Variants in NRDE2 observed in about 807,000 individuals in gnomAD.
The protein encoded by NRDE2 is nuclear exosome regulator NRDE2.
NRDE2 carries 76 observed loss-of-function variants against 124.2 expected under a neutral mutation model. The observed-to-expected ratio is 0.61, with a 90% confidence interval of 0.51 to 0.74. The LOEUF (loss-of-function observed/expected upper bound fraction) is 0.74. Among genes scored for constraint, NRDE2 ranks in the 30% least tolerant of loss-of-function variants. The pLI is 0.00. For synonymous variants in NRDE2, 489 were observed against 528.1 expected (o/e 0.93, Z 1.01); for missense variants, 1,314 against 1,417.3 (o/e 0.93, Z 1.17).
intron 1 of NRDE2, among the ~76,000 whole-genome samples, chr14:90,318,389 A>G (rs1885124826): frequency 6.6e-6 from 1 of 152,258 alleles, no homozygotes; most frequent in African/African-American, 2.4e-5. Context: ...AGTACGGGCT[A>G]AAAGGCAACA....
At chr14:90,280,980 A>C in intron 12 of NRDE2, 1 of 152,322 alleles carries the variant, frequency 6.6e-6, no homozygotes, top group East Asian at 1.9e-4. Flanking sequence ...ATGGAGGAGC[A>C]GAACTGCCGT....
Position 90,273,272 on chromosome 14 carries a change from C to T in NRDE2, c.*5064G>A, listed in dbSNP as rs572262294. The T allele has an allele frequency of 2.0e-5, 3 of 152,182 alleles. No homozygotes were observed. Among genetic ancestry groups the T allele is most frequent in the South Asian group, 4.2e-4 (2 of 4,816 alleles). The allele number at this position is 152,182 out of a possible 1,614,324, so 9.4% of individuals were successfully genotyped here. The stretch of plus-strand genomic sequence containing the variant: ...CCACAGGCTTTGTTTAAAAACAGCA[C>T]AATTTGGCCAGGCACGGTGGCTCAC... On this transcript the variant is annotated 3_prime_UTR_variant, in exon 14 of 14. Transcript: ENST00000354366.
rs1491397403 is a variant in NRDE2 at position 90,274,838 on chromosome 14, A to ACACACACACACACCC, written c.*3497_*3498insGGGTGTGTGTGTGTG. 1.5e-5 allele frequency: 1 copy of ACACACACACACACCC among 67,186 alleles called. No individual in the cohort carries two copies. Among genetic ancestry groups the ACACACACACACACCC allele is most frequent in the East Asian group, 3.4e-4 (1 of 2,966 alleles). 4.2% of individuals were successfully genotyped at this position (67,186 alleles called of 1,614,324 possible). On this transcript the variant is annotated 3_prime_UTR_variant, in exon 14 of 14. Transcript: ENST00000354366. ...CACACACACACACACACACACACAC[A>ACACACACACACACCC]CCCCAATACATATGAATTGATCTGA... is the stretch of plus-strand genomic sequence containing the variant.
intron 1 of NRDE2, among the ~76,000 whole-genome samples, chr14:90,331,502 T>C (rs547125203): frequency 1.3e-5 from 2 of 152,368 alleles, no homozygotes; most frequent in East Asian, 3.9e-4. Context: ...CATCAAGGGT[T>C]TCCTCGAGAT....
rs147362194 is a variant in NRDE2 at position 90,320,161 on chromosome 14, T to C, written c.65-2048A>G. The stretch of plus-strand genomic sequence containing the variant: ...TCTGGGTACTAGCTCCTTAAGTAAC[T>C]GTATTAGTCCGTTCTCACACTGCTA... On this transcript the variant is annotated intron_variant, in intron 1 of 13. Coordinates refer to ENST00000354366, the MANE Select transcript of NRDE2 (RefSeq NM_017970.4). 3.3e-5 allele frequency among the ~76,000 whole-genome samples: 5 copies of C among 152,334 alleles called. No homozygotes were observed. In the South Asian group the frequency reaches 1.0e-3, roughly 32 times the overall value.
chr14:90,315,536 C>T (rs1885014076), intron 3 of NRDE2, among the ~76,000 whole-genome samples: 1 of 152,056 alleles, frequency 6.6e-6, no homozygotes, highest in Non-Finnish European at 1.5e-5. Context: ...CACCATATAC[C>T]ACCTGTCCCA....
intron 7 of NRDE2, among the ~76,000 whole-genome samples, chr14:90,298,625 T>G (rs1434381375): frequency 6.6e-6 from 1 of 152,218 alleles, no homozygotes; most frequent in Non-Finnish European, 1.5e-5. Flanking sequence ...CACTCGCATG[T>G]GAGCTGGACC....
At chr14:90,287,396 T>A (rs1191422934) in intron 11 of NRDE2, among the ~76,000 whole-genome samples, 1 of 151,924 alleles carries the variant, frequency 6.6e-6, no homozygotes, top group Non-Finnish European at 1.5e-5. Flanking sequence ...GACGGGTAGA[T>A]CGCTTAAGCT....
intron 5 of NRDE2, 92 bp from the exon 6 acceptor site, chr14:90,303,217 G>T: frequency 8.1e-7 from 1 of 1,235,578 alleles, no homozygotes; most frequent in Non-Finnish European, 1.1e-6. Flanking sequence ...CCACCCCCTA[G>T]GGACTTTCTT....
chr14:90,279,303 A>C (rs957645023), intron 12 of NRDE2, 170 bp from the exon 13 acceptor site: 1 of 605,116 alleles, frequency 1.7e-6, no homozygotes. Flanking sequence ...GCCAGGGAGC[A>C]CTCTCAGAAG....
At chr14:90,315,176 C>CAAAA (rs71117336) in intron 3 of NRDE2, among the ~76,000 whole-genome samples, 11 of 31,770 alleles carry the variant, frequency 3.5e-4, no homozygotes, top group African/African-American at 1.1e-3. Flanking sequence ...TACTCTGTCT[C>CAAAA]AAAAAAAAAA....
intron 9 of NRDE2, among the ~76,000 whole-genome samples, chr14:90,291,125 G>A (rs190523459): frequency 7.6e-4 from 116 of 152,246 alleles, no homozygotes; most frequent in Admixed American, 1.8e-3. Context: ...AAGGTAAGAA[G>A]GAACCTACAG....
Position 90,278,210 on chromosome 14 carries a change from TTAC to T in NRDE2, c.*123_*125del. On this transcript the variant is annotated 3_prime_UTR_variant, in exon 14 of 14. Coordinates refer to ENST00000354366, the MANE Select transcript of NRDE2 (RefSeq NM_017970.4). ...TGTGAGAGGCTGGCAGCCCACATTA[TTAC>T]TATCGAGAAAGAACATTTCAAAAGC... 7 of 1,149,388 alleles carry T rather than the reference TTAC, an allele frequency of 6.1e-6. No homozygotes were observed. In the South Asian group the frequency reaches 7.1e-5, roughly 12 times the overall value. 71.2% of individuals were successfully genotyped at this position (1,149,388 alleles called of 1,614,324 possible).
At chr14:90,298,022 A>C (rs545487290) in intron 8 of NRDE2, among the ~76,000 whole-genome samples, 21 of 152,190 alleles carry the variant, frequency 1.4e-4, no homozygotes, top group Non-Finnish European at 2.6e-4. Flanking sequence ...TAAAAGGAAA[A>C]AGGGAAATTA....
intron 12 of NRDE2, among the ~76,000 whole-genome samples, chr14:90,282,978 G>A (rs1891996603): frequency 6.6e-6 from 1 of 152,168 alleles, no homozygotes; most frequent in Non-Finnish European, 1.5e-5. Flanking sequence ...ATATGTATGT[G>A]CATATGTATA....
chr14:90,290,991 A>T (rs529721037), intron 9 of NRDE2, among the ~76,000 whole-genome samples: 1 of 152,340 alleles, frequency 6.6e-6, no homozygotes, highest in East Asian at 1.9e-4. Context: ...GATGGTGAAA[A>T]ATTTGTATTG....
chr14:90,275,576 C>T lies in NRDE2; in HGVS notation c.*2760G>A, dbSNP rs923009908. Reference sequence around the variant, plus strand: ...GGTAGCGGGCTGAACTGCGCCCCACCCCAGCTGCTTCTCCAGTTTGCTTAC... The same window carrying T: ...GGTAGCGGGCTGAACTGCGCCCCACTCCAGCTGCTTCTCCAGTTTGCTTAC... On this transcript the variant is annotated 3_prime_UTR_variant, in exon 14 of 14. Coordinates refer to ENST00000354366, the MANE Select transcript of NRDE2 (RefSeq NM_017970.4). 1 of 152,190 alleles carries T rather than the reference C, an allele frequency of 6.6e-6. No homozygotes were observed. The highest frequency in any genetic ancestry group is 2.4e-5 in the African/African-American group (1 of 41,436). The allele number at this position is 152,190 out of a possible 1,614,324, so 9.4% of individuals were successfully genotyped here.
chr14:90,272,414 A>C lies in NRDE2; in HGVS notation c.*5922T>G. Reference sequence around the variant, plus strand: ...TGAGGGGCTGTATCTCTAATGAACCATGGCTGTCATCAGGAAAATGGTTGG... The same window carrying C: ...TGAGGGGCTGTATCTCTAATGAACCCTGGCTGTCATCAGGAAAATGGTTGG... On this transcript the variant is annotated 3_prime_UTR_variant, in exon 14 of 14. Coordinates refer to ENST00000354366, the MANE Select transcript of NRDE2 (RefSeq NM_017970.4). The surrounding 1 kb of genome is among the most constrained non-coding windows in gnomAD (Gnocchi z 4.5). The C allele has an allele frequency of 1.3e-6, 2 of 1,536,816 alleles. No homozygotes were observed. Among genetic ancestry groups the C allele is most frequent in the Non-Finnish European group, 1.8e-6 (2 of 1,137,074 alleles).
In NRDE2 at chr14:90,278,305, T is replaced by C; in HGVS notation, c.*31A>G. ...GCTCCGCAGGGTGGGCAACTTGGCC[T>C]CGCAGGCACAGCCCGTTTTCCCGCT... On this transcript the variant is annotated 3_prime_UTR_variant, in exon 14 of 14. Coordinates refer to ENST00000354366, the MANE Select transcript of NRDE2 (RefSeq NM_017970.4). The C allele has an allele frequency of 6.2e-7, 1 of 1,613,632 alleles. No individual in the cohort carries two copies. Among genetic ancestry groups the C allele is most frequent in the Non-Finnish European group, 8.5e-7 (1 of 1,179,658 alleles).
Sources: allele counts gnomAD v4.1 joint callset (sites outside exome capture counted in the v4.1 genomes callset), GRCh38; gene constraint gnomAD v4.1.1; non-coding constraint Gnocchi (gnomAD v3.1); transcripts MANE v1.5; gene names NCBI Gene and HGNC (gene_info 2026-07-23, HGNC 2026-07-21).